Variants in RELN observed in about 807,000 individuals in gnomAD.
The protein encoded by RELN is reelin.
A neutral mutation model predicts 427.6 loss-of-function variants in RELN; 108 were observed. The observed-to-expected ratio is 0.25, with a 90% CI of 0.22 to 0.30. The LOEUF (loss-of-function observed/expected upper bound fraction) is 0.30, where lower values mean the gene tolerates loss of function less well. RELN is among the 10% of genes least tolerant of loss of function. RELN has a pLI of 1.00. For missense variants in RELN, 3,715 were observed against 4,302.8 expected, an observed-to-expected ratio of 0.86 and a Z score of 3.82; for synonymous variants, 1,524 against 1,513.4, an observed-to-expected ratio of 1.01 and a Z score of -0.16.
intron 1 of RELN, among the ~76,000 whole-genome samples, chr7:103,975,110 A>T (rs17373682): frequency 0.05 from 7,613 of 152,324 alleles, 264 homozygotes; most frequent in Middle Eastern, 0.11. Context: ...TTCTTTTCAA[A>T]CATTGTTATC....
chr7:103,626,373 C>T lies in RELN; in HGVS notation c.2702+3567G>A, dbSNP rs1832329074. On this transcript the variant is annotated intron_variant, in intron 20 of 64. Transcript: ENST00000428762. The surrounding 1 kb of genome is among the most constrained non-coding windows in gnomAD (Gnocchi z 4.4). ...GTACACTTATATATTTATTTAGAGA[C>T]AGAGTCTTGCTCTGTCACCCAGGCT... 1.3e-5 allele frequency among the ~76,000 whole-genome samples: 2 copies of T among 152,074 alleles called. No homozygotes were observed. The highest frequency in any genetic ancestry group is 1.3e-4 in the Admixed American group (2 of 15,256).
chr7:103,748,198 T>C (rs574101346), intron 6 of RELN, among the ~76,000 whole-genome samples: 8 of 151,770 alleles, frequency 5.3e-5, no homozygotes, highest in Non-Finnish European at 1.0e-4. Flanking sequence ...TAAGAAAATG[T>C]ATATTTAGGG....
chr7:103,491,890 ACACAC>A lies in RELN; in HGVS notation c.9443+58_9443+62del, dbSNP rs1161293271. 8.9e-4 allele frequency: 891 copies of A among 1,001,652 alleles called. 12 individuals carry two copies. In the African/African-American group the frequency reaches 0.014, roughly 15 times the overall value. The allele number at this position is 1,001,652 out of a possible 1,614,324, so 62.0% of individuals were successfully genotyped here. On this transcript the variant is annotated intron_variant, in intron 58 of 64. Transcript: ENST00000428762. ...CACACACACACACACACACACACACACACACAACGATTTGGATGGGGTATTCAAGT... is the reference window on the plus strand; with the variant it reads ...CACACACACACACACACACACACACAAACGATTTGGATGGGGTATTCAAGT...
intron 1 of RELN, among the ~76,000 whole-genome samples, chr7:103,963,491 G>T (rs1262905199): frequency 1.3e-5 from 2 of 152,190 alleles, no homozygotes; most frequent in East Asian, 1.9e-4. Flanking sequence ...TTGTGGATAT[G>T]AGCTTGCTTG....
At chr7:103,526,827 T>C (rs1829832223) in intron 46 of RELN, among the ~76,000 whole-genome samples, 1 of 152,206 alleles carries the variant, frequency 6.6e-6, no homozygotes, top group South Asian at 2.1e-4. Context: ...AGTGTCTTGG[T>C]GGAGTTCCTC....
chr7:103,805,700 C>T (rs1052176517), intron 3 of RELN, among the ~76,000 whole-genome samples: 3 of 152,184 alleles, frequency 2.0e-5, no homozygotes, highest in African/African-American at 2.4e-5. Context: ...GGGTCACAGG[C>T]TCTTTTTACT....
At chr7:103,877,807 C>T (rs560708926) in intron 2 of RELN, among the ~76,000 whole-genome samples, 5 of 151,542 alleles carry the variant, frequency 3.3e-5, no homozygotes, top group South Asian at 4.2e-4. Flanking sequence ...CTTCTTCCTT[C>T]GTCCTTCCTC....
intron 2 of RELN, among the ~76,000 whole-genome samples, chr7:103,838,533 T>C (rs1308994318): frequency 6.6e-6 from 1 of 151,444 alleles, no homozygotes; most frequent in Admixed American, 6.6e-5. Context: ...AATAAGAGAG[T>C]CCCAGGAAAA....
At chr7:103,771,853 T>A (rs917799192) in intron 4 of RELN, among the ~76,000 whole-genome samples, 1 of 152,168 alleles carries the variant, frequency 6.6e-6, no homozygotes, top group Non-Finnish European at 1.5e-5. Flanking sequence ...TATTTCTCAT[T>A]TCACAATAAT....
intron 20 of RELN, among the ~76,000 whole-genome samples, chr7:103,624,593 ACT>A (rs1832288215): frequency 6.6e-6 from 1 of 152,036 alleles, no homozygotes; most frequent in African/African-American, 2.4e-5. Flanking sequence ...GGCCCTGCTA[ACT>A]TTTTGTATTT....
rs776541538 is a variant in RELN, at chr7:103,519,354, C to T, written c.7831G>A (p.Glu2611Lys). The T allele has an allele frequency of 6.2e-7, 1 of 1,614,068 alleles. No individual in the cohort carries two copies. The highest frequency in any genetic ancestry group is 8.5e-7 in the Non-Finnish European group (1 of 1,179,954). ...TTACTGTACTGGTCATAGAAAATCT[C>T]CATGAGCAGGTTCCAGGTAATGCCT... ...NGGITWNLLM[E>K]IFYDQYSKPG... The change falls in exon 49 of 65, where the codon GAG becomes AAG. Residue 2611 changes from glutamate to lysine, a missense_variant. Glu to Lys is a moderately conservative substitution (Grantham distance 56, BLOSUM62 1). This residue lies in a region of RELN where 1,310 missense variants were observed against 1,643.0 expected (regional missense o/e 0.80). Coordinates refer to ENST00000428762, the MANE Select transcript of RELN (RefSeq NM_005045.4).
intron 46 of RELN, among the ~76,000 whole-genome samples, chr7:103,533,268 G>A (rs777921177): frequency 2.0e-5 from 3 of 152,156 alleles, no homozygotes; most frequent in South Asian, 2.1e-4. Flanking sequence ...TCTTTATAGC[G>A]AAGAGCTACA....
intron 6 of RELN, among the ~76,000 whole-genome samples, chr7:103,737,589 T>C (rs1271372413): frequency 6.6e-6 from 1 of 152,216 alleles, no homozygotes; most frequent in Non-Finnish European, 1.5e-5. Context: ...AACTCACCCA[T>C]CATCTTGAAA....
chr7:103,776,526 A>G (rs1330747352), intron 4 of RELN, 31 bp downstream of exon 4: 2 of 1,609,496 alleles, frequency 1.2e-6, no homozygotes, highest in East Asian at 2.2e-5. Flanking sequence ...TAGTTTGGAC[A>G]TAACACAAAC....
intron 57 of RELN, among the ~76,000 whole-genome samples, chr7:103,493,296 T>C (rs1246024028): frequency 1.3e-5 from 2 of 152,120 alleles, no homozygotes; most frequent in Non-Finnish European, 2.9e-5. Flanking sequence ...TAGTCACTGA[T>C]TAGATATGAA....
chr7:103,781,206 C>T (rs915692150), intron 3 of RELN, among the ~76,000 whole-genome samples: 1 of 151,708 alleles, frequency 6.6e-6, no homozygotes, highest in African/African-American at 2.4e-5. Flanking sequence ...GCCATCCGCA[C>T]TGCACTCCTT....
rs1828890068 is a variant in RELN, at chr7:103,497,936, AG to A, written c.8844-11del. 6.2e-7 allele frequency: 1 copy of A among 1,612,540 alleles called. No homozygotes were observed. Among genetic ancestry groups the A allele is most frequent in the African/African-American group, 1.3e-5 (1 of 74,908 alleles). ...CCAGTATTGCAGGAACCTGAATGCA[AG>A]CACATTTTATCCATCAGAATAATTC... On this transcript the variant is annotated splice_polypyrimidine_tract_variant and intron_variant, in intron 54 of 64. Transcript: ENST00000428762.
Position 103,671,859 on chromosome 7 carries a change from T to C in RELN, c.1289+10257A>G, listed in dbSNP as rs374954269. ...TGTTATTTAAGTGGTTGTTTTACTT[T>C]AATAAAAGTGAACATGACTGTAAAA... On this transcript the variant is annotated intron_variant, in intron 11 of 64. Transcript: ENST00000428762. Among the ~76,000 whole-genome samples, 37 of 152,302 alleles carry C rather than the reference T, an allele frequency of 2.4e-4. 1 individual carries two copies. The highest frequency in any genetic ancestry group is 8.4e-4 in the African/African-American group (35 of 41,582).
chr7:103,501,004 C>T (rs948899287), intron 52 of RELN, 82 bp from the exon 53 acceptor site: 1 of 1,275,694 alleles, frequency 7.8e-7, no homozygotes, highest in Non-Finnish European at 1.1e-6. Context: ...GTATTCAGTA[C>T]TCAAGAGAAA....
Sources: gnomAD v4.1 joint callset for allele counts (sites outside exome capture counted in the v4.1 genomes callset) on GRCh38, gnomAD v4.1.1 for gene constraint, gnomAD v4.1.1 regional missense constraint, Gnocchi (gnomAD v3.1) non-coding constraint, MANE v1.5 for transcripts, NCBI Gene and HGNC (gene_info 2026-07-23, HGNC 2026-07-21) for gene names.